The following GAS2 variants were observed in gnomAD, a reference collection of about 807,000 sequenced individuals.
GAS2 encodes growth arrest specific 2, also known as growth arrest-specific protein 2.
GAS2 carries 20 observed loss-of-function variants against 37.5 expected under a neutral mutation model. The ratio of observed to expected loss-of-function variants is 0.53; its 90% CI spans 0.37 to 0.77. The LOEUF is 0.77. Among genes scored for constraint, GAS2 ranks in the 30% least tolerant of loss-of-function variants. GAS2 has a pLI of 0.00. For synonymous variants in GAS2, 144 were observed against 132.2 expected (o/e 1.09, Z -0.61); for missense variants, 336 against 373.4 (o/e 0.90, Z 0.82).
intron 3 of GAS2, among the ~76,000 whole-genome samples, chr11:22,707,982 T>A (rs116696658): frequency 2.4e-3 from 363 of 152,256 alleles, no homozygotes; most frequent in African/African-American, 8.1e-3. Context: ...TTTGTTTAGA[T>A]CTGAGATGTT....
chr11:22,739,530 A>G (rs916374961), intron 5 of GAS2, among the ~76,000 whole-genome samples: 14 of 133,382 alleles, frequency 1.0e-4, no homozygotes, highest in Non-Finnish European at 1.9e-4. Flanking sequence ...CCTAGATTGC[A>G]CCACTGCACC....
intron 1 of GAS2, among the ~76,000 whole-genome samples, chr11:22,637,030 C>T (rs1858832618): frequency 7.7e-6 from 1 of 130,518 alleles, no homozygotes; most frequent in African/African-American, 2.9e-5. Context: ...ATTATATATT[C>T]TGGTTATCTA....
chr11:22,627,704 G>T (rs1858682742), intron 1 of GAS2, among the ~76,000 whole-genome samples: 1 of 151,754 alleles, frequency 6.6e-6, no homozygotes. Context: ...GAACCCGGGA[G>T]GTGAAGGTTA....
intron 1 of GAS2, among the ~76,000 whole-genome samples, chr11:22,657,966 G>T (rs1470209765): frequency 6.6e-6 from 1 of 151,102 alleles, no homozygotes; most frequent in Non-Finnish European, 1.5e-5. Context: ...TTTGGTGTTA[G>T]AAATTTAAAA....
intron 3 of GAS2, among the ~76,000 whole-genome samples, chr11:22,695,679 TG>T (rs1850468738): frequency 1.3e-5 from 2 of 152,198 alleles, no homozygotes; most frequent in Non-Finnish European, 2.9e-5. Flanking sequence ...AGCTATTCAG[TG>T]GAAAATTCTT....
intron 3 of GAS2, among the ~76,000 whole-genome samples, chr11:22,704,945 A>G (rs897196699): frequency 6.6e-5 from 10 of 152,122 alleles, no homozygotes; most frequent in African/African-American, 2.2e-4. Context: ...AATTAATGCC[A>G]TGTGATATGA....
intron 1 of GAS2, among the ~76,000 whole-genome samples, chr11:22,627,546 A>C (rs1157383792): frequency 6.6e-6 from 1 of 152,144 alleles, no homozygotes; most frequent in African/African-American, 2.4e-5. Flanking sequence ...AGGCGGGTGG[A>C]TTACCTGGGG....
intron 1 of GAS2, among the ~76,000 whole-genome samples, chr11:22,658,781 T>G (rs1014678753): frequency 1.3e-5 from 2 of 152,112 alleles, no homozygotes; most frequent in Admixed American, 6.5e-5. Context: ...ACTCGAAAGA[T>G]CTCCCTGACT....
upstream of GAS2, among the ~76,000 whole-genome samples, chr11:22,666,300 TGAAGAGTGGCC>T (rs1301324168): frequency 2.0e-5 from 3 of 152,226 alleles, no homozygotes; most frequent in Non-Finnish European, 2.9e-5. Context: ...CAATTTGGAA[TGAAGAGTGGCC>T]GAAGTTACTG....
At chr11:22,661,425 C>T (rs1048709654) in intron 1 of GAS2, among the ~76,000 whole-genome samples, 3 of 152,170 alleles carry the variant, frequency 2.0e-5, no homozygotes, top group Non-Finnish European at 4.4e-5. Flanking sequence ...CTAGTCCCTA[C>T]TCTCTAGGAC....
intron 3 of GAS2, among the ~76,000 whole-genome samples, chr11:22,689,446 T>C (rs142455709): frequency 5.3e-5 from 8 of 152,314 alleles, no homozygotes; most frequent in African/African-American, 1.7e-4. Flanking sequence ...GCAGCTTAAA[T>C]CAATAATAAC....
chr11:22,682,888 G>GAAAAAAAAAAAAA (rs57025584), intron 2 of GAS2, among the ~76,000 whole-genome samples: 1 of 102,362 alleles, frequency 9.8e-6, no homozygotes, highest in African/African-American at 3.3e-5. Context: ...AAAAAAAAAG[G>GAAAAAAAAAAAAA]AAAAAAAAAA....
intron 5 of GAS2, among the ~76,000 whole-genome samples, chr11:22,746,853 C>T (rs1270908730): frequency 1.3e-5 from 2 of 151,966 alleles, no homozygotes; most frequent in East Asian, 3.9e-4. Context: ...ATCTAAAATA[C>T]AAGTTGAAAT....
rs147075339 is a variant in GAS2 at position 22,737,551 on chromosome 11, A to C, written c.410-154A>C. On this transcript the variant is annotated intron_variant, in intron 4 of 7. Coordinates refer to ENST00000454584, the MANE Select transcript of GAS2 (RefSeq NM_001143830.3). ...TAATTTAAGCCTTTAGTAGAGCTAG[A>C]TGTATTGAGGTATGGGATGGGTTCT... Among the ~76,000 whole-genome samples the C allele has an allele frequency of 2.1e-3, 321 of 152,194 alleles. 1 individual carries two copies. The Middle Eastern group carries it at 0.024, about 11-fold the overall frequency.
At chr11:22,667,110 A>C (rs994589273) in intron 1 of GAS2, 25 of 152,344 alleles carry the variant, frequency 1.6e-4, no homozygotes, top group African/African-American at 5.8e-4. Flanking sequence ...GTGGGTATTC[A>C]CTGCAGGGGG....
At chr11:22,642,899 G>A (rs1384757949) in intron 1 of GAS2, among the ~76,000 whole-genome samples, 1 of 152,136 alleles carries the variant, frequency 6.6e-6, no homozygotes, top group Non-Finnish European at 1.5e-5. Context: ...TGTTAAAACA[G>A]CGGCAAGACC....
chr11:22,686,553 TAAAAAAAAAAAAAAAAAAAAAAAAAAAA>T (rs576718774), intron 3 of GAS2, among the ~76,000 whole-genome samples: 1,704 of 47,246 alleles, frequency 0.036, 59 homozygotes, highest in African/African-American at 0.12. Flanking sequence ...CCGTCTCTAC[TAAAAAAAAAAAAAAAAAAAAAAAAAAAA>T]AAAAAAAAAA....
At chr11:22,719,541 G>T (rs1851846424) in intron 3 of GAS2, among the ~76,000 whole-genome samples, 1 of 152,028 alleles carries the variant, frequency 6.6e-6, no homozygotes, top group South Asian at 2.1e-4. Flanking sequence ...AACAGTCTGG[G>T]TTTTTACAGA....
At chr11:22,655,090 A>G (rs569299600) in intron 1 of GAS2, among the ~76,000 whole-genome samples, 4 of 152,250 alleles carry the variant, frequency 2.6e-5, no homozygotes, top group African/African-American at 7.2e-5. Flanking sequence ...ACTGCCCTTC[A>G]TGTTCTGAAC....
Sources: gnomAD v4.1 joint callset for allele counts (sites outside exome capture counted in the v4.1 genomes callset) on GRCh38, gnomAD v4.1.1 for gene constraint, MANE v1.5 for transcripts, NCBI Gene and HGNC (gene_info 2026-07-23, HGNC 2026-07-21) for gene names.